MTUS1: variants seen among roughly 807,000 people sequenced by gnomAD.
MTUS1 encodes microtubule-associated tumor suppressor 1.
MTUS1 carries 109 observed loss-of-function variants against 120.8 expected under a neutral mutation model. The observed-to-expected ratio is 0.90, with a 90% CI of 0.77 to 1.06. The LOEUF (loss-of-function observed/expected upper bound fraction) is 1.06. Ranked by LOEUF, MTUS1 falls within the 50% of genes least tolerant of loss-of-function variation. The pLI, the probability that MTUS1 is intolerant of heterozygous loss-of-function variation, is 0.00. For synonymous variants in MTUS1, 737 were observed against 550.5 expected (o/e 1.34, Z -4.74); for missense variants, 2,210 against 1,486.3 (o/e 1.49, Z -8.01).
chr8:17,676,141 T>A (rs1813058854), intron 7 of MTUS1: 5 of 662,136 alleles, frequency 7.6e-6, no homozygotes, highest in African/African-American at 3.5e-5. Flanking sequence ...GATCACAGCG[T>A]TGCAGAGATC....
intron 4 of MTUS1, among the ~76,000 whole-genome samples, chr8:17,721,251 G>A (rs987730832): frequency 7.9e-5 from 12 of 152,256 alleles, no homozygotes; most frequent in East Asian, 3.9e-4. Flanking sequence ...AATTTTCAGC[G>A]CGAGATGATT....
At chr8:17,774,053 TG>T (rs1404828792) in intron 1 of MTUS1, among the ~76,000 whole-genome samples, 1 of 152,206 alleles carries the variant, frequency 6.6e-6, no homozygotes. Flanking sequence ...TTAACAATCC[TG>T]CTGGTAAAGG....
Position 17,742,615 on chromosome 8 carries a change from C to G in MTUS1, c.2287+989G>C, listed in dbSNP as rs192663697. On this transcript the variant is annotated intron_variant, in intron 3 of 14. Transcript: ENST00000693296. ...CTGCAAACCCCTCTTCCTCCACTCA[C>G]GCCTCTGTGGTCATGTCTCCTTGAC... Among the ~76,000 whole-genome samples, 432 of 152,228 alleles carry G rather than the reference C, an allele frequency of 2.8e-3. 1 individual carries two copies. Among genetic ancestry groups the G allele is most frequent in the African/African-American group, 9.8e-3 (405 of 41,534 alleles).
At chr8:17,744,264 C>G (rs904522784) in intron 2 of MTUS1, among the ~76,000 whole-genome samples, 1 of 152,096 alleles carries the variant, frequency 6.6e-6, no homozygotes, top group African/African-American at 2.4e-5. Context: ...GAGTCTAGCA[C>G]CTTTTAAAAG....
intron 6 of MTUS1, among the ~76,000 whole-genome samples, chr8:17,699,271 G>A (rs1372035036): frequency 2.8e-4 from 42 of 152,176 alleles, no homozygotes; most frequent in Admixed American, 2.6e-3. Context: ...AGGCTGGAGT[G>A]TAATGGCGCA....
intron 1 of MTUS1, among the ~76,000 whole-genome samples, chr8:17,799,583 C>T (rs1317184678): frequency 6.6e-6 from 1 of 152,014 alleles, no homozygotes; most frequent in Non-Finnish European, 1.5e-5. Context: ...AAGTAACAGG[C>T]TTTTTAAATG....
intron 1 of MTUS1, among the ~76,000 whole-genome samples, chr8:17,772,723 T>C (rs1209864401): frequency 6.6e-6 from 1 of 152,208 alleles, no homozygotes; most frequent in Admixed American, 6.5e-5. Flanking sequence ...AGAGAAAATC[T>C]AGGCACTAAG....
intron 2 of MTUS1, among the ~76,000 whole-genome samples, chr8:17,749,683 GAAAA>G (rs2048039685): frequency 2.0e-5 from 3 of 147,000 alleles, no homozygotes; most frequent in Admixed American, 6.8e-5. Context: ...AAAAAAGAAA[GAAAA>G]AGAAAGAAAA....
At chr8:17,694,458 G>C (rs1197220563) in intron 6 of MTUS1, among the ~76,000 whole-genome samples, 1 of 152,140 alleles carries the variant, frequency 6.6e-6, no homozygotes, top group Non-Finnish European at 1.5e-5. Flanking sequence ...CTGAGGTCAG[G>C]AGTTCCAGAC....
chr8:17,792,192 GTGAAATACCTCTATTTATTATT>G (rs1205371977), intron 1 of MTUS1, among the ~76,000 whole-genome samples: 1 of 152,098 alleles, frequency 6.6e-6, no homozygotes, highest in African/African-American at 2.4e-5. Flanking sequence ...TAGCTAAATG[GTGAAATACCTCTATTTATTATT>G]TGAAATTCAA....
intron 6 of MTUS1, among the ~76,000 whole-genome samples, chr8:17,701,988 T>C (rs1374506596): frequency 2.0e-5 from 3 of 152,380 alleles, no homozygotes; most frequent in South Asian, 2.1e-4. Flanking sequence ...AGCATTTATA[T>C]TGTTATTTTA....
intron 1 of MTUS1, among the ~76,000 whole-genome samples, chr8:17,791,245 G>C (rs955343785): frequency 1.3e-5 from 2 of 152,312 alleles, no homozygotes; most frequent in Admixed American, 1.3e-4. Flanking sequence ...CCGCAGGGCT[G>C]ATGTGATCAG....
chr8:17,676,634 A>T (rs771142485), intron 7 of MTUS1: 92 of 378,838 alleles, frequency 2.4e-4, no homozygotes, highest in Non-Finnish European at 3.8e-4. Context: ...ATTTAGTTAA[A>T]TATCAGCTGC....
intron 3 of MTUS1, among the ~76,000 whole-genome samples, chr8:17,726,125 C>T (rs1337581269): frequency 6.6e-6 from 1 of 152,122 alleles, no homozygotes; most frequent in Non-Finnish European, 1.5e-5. Flanking sequence ...TATTTCTGTC[C>T]AGTGAATCCA....
Position 17,755,360 on chromosome 8 carries a change from C to T in MTUS1, c.448G>A (p.Gly150Ser), listed in dbSNP as rs1169592538. Residue 150 changes from glycine (G) to serine (S), a missense_variant, in exon 2 of 15, where the codon GGC (glycine) becomes AGC (serine). Transcript: ENST00000693296. ...TTTAGCTCCAAGGCATCACAGTAGCCTGCACAGTTCAAATTGTCATTAGGC... is the reference window on the plus strand; with the variant it reads ...TTTAGCTCCAAGGCATCACAGTAGCTTGCACAGTTCAAATTGTCATTAGGC... ...WKPNDNLNCA[G>S]YCDALELNQT... 2.5e-6 allele frequency: 4 copies of T among 1,614,034 alleles called. No homozygotes were observed. The East Asian group carries it at 8.9e-5, about 36-fold the overall frequency.
At chr8:17,669,510 T>C (rs1323120011) in intron 8 of MTUS1, among the ~76,000 whole-genome samples, 1 of 152,152 alleles carries the variant, frequency 6.6e-6, no homozygotes, top group Non-Finnish European at 1.5e-5. Flanking sequence ...GTCTGGATTT[T>C]TTCCCCCAAG....
chr8:17,790,271 C>T (rs941303264), intron 1 of MTUS1, among the ~76,000 whole-genome samples: 1 of 151,728 alleles, frequency 6.6e-6, no homozygotes, highest in Admixed American at 6.6e-5. Flanking sequence ...CTGCTTGAAC[C>T]CGGGAGGCAG....
intron 1 of MTUS1, among the ~76,000 whole-genome samples, chr8:17,759,991 T>C (rs959129978): frequency 1.1e-4 from 16 of 151,758 alleles, no homozygotes; most frequent in African/African-American, 3.6e-4. Flanking sequence ...GGAGCATCAT[T>C]TGAGCCCAGG....
intron 1 of MTUS1, among the ~76,000 whole-genome samples, chr8:17,785,705 A>G (rs1404086206): frequency 6.6e-6 from 1 of 152,220 alleles, no homozygotes; most frequent in African/African-American, 2.4e-5. Context: ...CAGGTACCCC[A>G]GGGTCACAGA....
Sources: gnomAD v4.1 joint callset for allele counts (sites outside exome capture counted in the v4.1 genomes callset) on GRCh38, gnomAD v4.1.1 for gene constraint, MANE v1.5 for transcripts, NCBI Gene and HGNC (gene_info 2026-07-23, HGNC 2026-07-21) for gene names.